HECW2: variants seen among roughly 807,000 people sequenced by gnomAD.
HECW2 encodes the protein HECT, C2 and WW domain containing E3 ubiquitin protein ligase 2.
A neutral mutation model predicts 175.2 loss-of-function variants in HECW2; 61 were observed. The ratio of observed to expected loss-of-function variants is 0.35; its 90% CI spans 0.28 to 0.43. HECW2 has a LOEUF of 0.43. Ranked by LOEUF, HECW2 falls within the 20% of genes least tolerant of loss-of-function variation. The probability of loss-of-function intolerance (pLI) is 1.00; values close to 1 mark genes in which losing one functional copy is unlikely to be tolerated. For missense variants in HECW2, 1,524 were observed against 2,000.5 expected (o/e 0.76, Z 4.54); for synonymous variants, 671 against 731.0 (o/e 0.92, Z 1.32).
At chr2:196,306,197 A>G (rs1196200353) in intron 13 of HECW2, among the ~76,000 whole-genome samples, 1 of 152,228 alleles carries the variant, frequency 6.6e-6, no homozygotes, top group South Asian at 2.1e-4. Flanking sequence ...ATCAGACACC[A>G]TATCTGCCAG....
chr2:196,440,023 C>G (rs75830653), intron 1 of HECW2, among the ~76,000 whole-genome samples: 63 of 152,190 alleles, frequency 4.1e-4, no homozygotes, highest in African/African-American at 1.4e-3. Context: ...GATTTTCAAT[C>G]TAAGTGACAA....
chr2:196,380,090 A>C (rs576843657), intron 2 of HECW2, among the ~76,000 whole-genome samples: 1 of 152,326 alleles, frequency 6.6e-6, no homozygotes, highest in South Asian at 2.1e-4. Context: ...AAATATCCCT[A>C]TTAGAAGTTC....
chr2:196,335,511 T>C (rs1692519696), intron 3 of HECW2, among the ~76,000 whole-genome samples: 1 of 152,158 alleles, frequency 6.6e-6, no homozygotes, highest in Admixed American at 6.5e-5. Context: ...ACTATTAAAG[T>C]GGGGCTGCTC....
At chr2:196,232,797 A>C (rs2105854560) in intron 21 of HECW2, among the ~76,000 whole-genome samples, 1 of 152,336 alleles carries the variant, frequency 6.6e-6, no homozygotes, top group Admixed American at 6.5e-5. Flanking sequence ...GAGGAATTAA[A>C]CTGAAAATGA....
chr2:196,299,701 C>T (rs1001765382), intron 13 of HECW2, among the ~76,000 whole-genome samples: 1 of 151,956 alleles, frequency 6.6e-6, no homozygotes, highest in Non-Finnish European at 1.5e-5. Flanking sequence ...AGGCCGAGGT[C>T]GGCGGATCAT....
At chr2:196,210,300 G>A (rs1408122740) in intron 28 of HECW2, among the ~76,000 whole-genome samples, 1 of 152,124 alleles carries the variant, frequency 6.6e-6, no homozygotes, top group Non-Finnish European at 1.5e-5. Context: ...CTGTGTGCCT[G>A]TGTGTACCTG....
chr2:196,433,089 TG>T, intron 2 of HECW2, 42 bp downstream of exon 2: 1 of 1,533,812 alleles, frequency 6.5e-7, no homozygotes, highest in Non-Finnish European at 8.8e-7. Context: ...ACTAAAAACT[TG>T]TATGCTCTGA....
intron 28 of HECW2, among the ~76,000 whole-genome samples, chr2:196,214,850 T>C: frequency 6.6e-6 from 1 of 152,220 alleles, no homozygotes; most frequent in East Asian, 1.9e-4. Flanking sequence ...TGCTTGTACT[T>C]AAAGAAACAG....
chr2:196,534,617 A>G (rs2125456696), intron 1 of HECW2, among the ~76,000 whole-genome samples: 1 of 152,282 alleles, frequency 6.6e-6, no homozygotes, highest in East Asian at 1.9e-4. Flanking sequence ...ATTCTGGTAA[A>G]TGTAGGCCAG....
chr2:196,242,282 C>T, intron 19 of HECW2, 78 bp from the exon 20 acceptor site: 1 of 1,560,622 alleles, frequency 6.4e-7, no homozygotes, highest in Non-Finnish European at 8.8e-7. Flanking sequence ...TGGACAAAAG[C>T]TATCACAATC....
chr2:196,419,305 G>A (rs1203185721), intron 2 of HECW2, among the ~76,000 whole-genome samples: 3 of 152,134 alleles, frequency 2.0e-5, no homozygotes, highest in South Asian at 2.1e-4. Context: ...AAAGATACAC[G>A]GAATTCAGAC....
intron 1 of HECW2, among the ~76,000 whole-genome samples, chr2:196,530,769 C>T (rs991628176): frequency 5.3e-5 from 8 of 152,302 alleles, no homozygotes; most frequent in Non-Finnish European, 8.8e-5. Flanking sequence ...TCTCCACAAG[C>T]CACTATACTA....
chr2:196,319,624 A>G lies in HECW2; in HGVS notation c.1266T>C (p.Ala422=), dbSNP rs1269560418. 6.2e-7 allele frequency: 1 copy of G among 1,614,082 alleles called. No homozygotes were observed. Among genetic ancestry groups the G allele is most frequent in the African/African-American group, 1.3e-5 (1 of 74,932 alleles). The change falls in exon 9 of 29, where the codon GCT becomes GCC. Residue 422 remains alanine, a synonymous_variant. Coordinates refer to ENST00000644978, the MANE Select transcript of HECW2 (RefSeq NM_001348768.2). The part of the protein sequence containing the change: ...RQDSLNDYLD[A]IEHNGHSRPG... Reference sequence around the variant, plus strand: ...GCCTGGAGTGGCCATTGTGTTCGATAGCATCTAAGTAATCATTGAGTGAAT... The same window carrying G: ...GCCTGGAGTGGCCATTGTGTTCGATGGCATCTAAGTAATCATTGAGTGAAT...
intron 1 of HECW2, among the ~76,000 whole-genome samples, chr2:196,461,836 C>T (rs940807642): frequency 6.6e-5 from 10 of 152,044 alleles, no homozygotes; most frequent in Non-Finnish European, 4.4e-5. Context: ...CCTGGTCTCT[C>T]GCCTGACACA....
At chr2:196,435,922 T>C (rs1217508347) in intron 1 of HECW2, among the ~76,000 whole-genome samples, 1 of 152,262 alleles carries the variant, frequency 6.6e-6, no homozygotes. Context: ...GACTACATTC[T>C]ACTTTAATTA....
At chr2:196,246,950 A>G (rs951852349) in intron 19 of HECW2, among the ~76,000 whole-genome samples, 13 of 152,220 alleles carry the variant, frequency 8.5e-5, no homozygotes, top group Non-Finnish European at 1.8e-4. Flanking sequence ...AGTCATTTAC[A>G]CATTATTTCA....
At chr2:196,419,194 G>A (rs1251148308) in intron 2 of HECW2, among the ~76,000 whole-genome samples, 1 of 152,090 alleles carries the variant, frequency 6.6e-6, no homozygotes, top group Non-Finnish European at 1.5e-5. Flanking sequence ...CTGAGACAGC[G>A]ATATTATAAA....
intron 23 of HECW2, among the ~76,000 whole-genome samples, chr2:196,222,558 T>C (rs1413005061): frequency 6.6e-6 from 1 of 152,184 alleles, no homozygotes; most frequent in Non-Finnish European, 1.5e-5. Flanking sequence ...ATATATAATA[T>C]GCCACAGGAA....
chr2:196,561,505 T>A (rs545608920), intron 1 of HECW2, among the ~76,000 whole-genome samples: 2 of 152,322 alleles, frequency 1.3e-5, no homozygotes, highest in East Asian at 3.9e-4. Flanking sequence ...ACCCTATTCG[T>A]ACACTCCCTC....
Sources: gnomAD v4.1 joint callset for allele counts (sites outside exome capture counted in the v4.1 genomes callset) on GRCh38, gnomAD v4.1.1 for gene constraint, MANE v1.5 for transcripts, NCBI Gene and HGNC (gene_info 2026-07-23, HGNC 2026-07-21) for gene names.